Variants in SLC38A6 observed in about 807,000 individuals in gnomAD.
SLC38A6 encodes the protein solute carrier family 38 member 6.
A neutral mutation model predicts 65.0 loss-of-function variants in SLC38A6; 73 were observed. The observed-to-expected ratio is 1.12, with a 90% confidence interval of 0.93 to 1.37. SLC38A6 has a LOEUF of 1.37. Among genes scored for constraint, SLC38A6 ranks in the 40% most tolerant of loss-of-function variants. The pLI is 0.00. For missense variants in SLC38A6, 561 were observed against 531.1 expected (o/e 1.06, Z -0.55); for synonymous variants, 183 against 178.8 (o/e 1.02, Z -0.19).
intron 15 of SLC38A6, among the ~76,000 whole-genome samples, chr14:61,077,376 C>T (rs988696025): frequency 7.2e-5 from 11 of 152,084 alleles, no homozygotes; most frequent in Non-Finnish European, 1.3e-4. Context: ...TCGTTGATGA[C>T]CTAGTTGACT....
At chr14:61,050,367 CT>C (rs1210961425) in intron 12 of SLC38A6, 144 bp from the exon 13 acceptor site, 12 of 443,792 alleles carry the variant, frequency 2.7e-5, no homozygotes, top group Middle Eastern at 6.0e-4. Flanking sequence ...ATTAATGTCT[CT>C]GTGTTTCATA....
chr14:61,010,557 G>A (rs890220937), intron 3 of SLC38A6, among the ~76,000 whole-genome samples: 43 of 152,140 alleles, frequency 2.8e-4, no homozygotes, highest in Admixed American at 2.7e-3. Context: ...ATTAATTTTT[G>A]TATAAAGCGT....
intron 8 of SLC38A6, 71 bp downstream of exon 8, chr14:61,037,754 T>C (rs1277052689): frequency 7.9e-6 from 8 of 1,013,962 alleles, no homozygotes; most frequent in South Asian, 1.6e-5. Flanking sequence ...TCTTTTTTAC[T>C]TTTAACTGTT....
At chr14:61,071,511 C>G (rs1248014136) in intron 15 of SLC38A6, among the ~76,000 whole-genome samples, 2 of 151,912 alleles carry the variant, frequency 1.3e-5, no homozygotes, top group African/African-American at 2.4e-5. Context: ...GCAAATCCCT[C>G]TCTCTACAAA....
At chr14:60,994,682 C>T (rs371258763) in intron 3 of SLC38A6, among the ~76,000 whole-genome samples, 5 of 146,180 alleles carry the variant, frequency 3.4e-5, no homozygotes, top group East Asian at 2.0e-4. Context: ...CCAGCCTGGG[C>T]GACAAGAGCA....
intron 3 of SLC38A6, among the ~76,000 whole-genome samples, chr14:61,010,035 C>T (rs2039436607): frequency 6.6e-6 from 1 of 152,198 alleles, no homozygotes; most frequent in African/African-American, 2.4e-5. Flanking sequence ...ACATCCTCTC[C>T]AGCACCTGTT....
intron 4 of SLC38A6, among the ~76,000 whole-genome samples, chr14:61,019,121 A>T (rs775547636): frequency 6.6e-6 from 1 of 152,200 alleles, no homozygotes; most frequent in Non-Finnish European, 1.5e-5. Context: ...CAGAAAACTT[A>T]TATCATTTCC....
intron 2 of SLC38A6, among the ~76,000 whole-genome samples, chr14:60,984,315 A>T (rs958265715): frequency 6.6e-6 from 1 of 152,178 alleles, no homozygotes; most frequent in Non-Finnish European, 1.5e-5. Flanking sequence ...TATCACTGGA[A>T]GTAGAGGGAG....
At chr14:60,992,313 G>A (rs763717386) in intron 3 of SLC38A6, among the ~76,000 whole-genome samples, 7 of 152,076 alleles carry the variant, frequency 4.6e-5, no homozygotes, top group Non-Finnish European at 1.0e-4. Context: ...TGGCTCAAAT[G>A]TGCTCCTCTT....
At chr14:61,025,873 T>C (rs557275904) in intron 5 of SLC38A6, among the ~76,000 whole-genome samples, 1 of 152,156 alleles carries the variant, frequency 6.6e-6, no homozygotes, top group Non-Finnish European at 1.5e-5. Flanking sequence ...CCAGTTAGTA[T>C]CCATGACTAA....
At chr14:61,067,526 A>G (rs756256277) in intron 15 of SLC38A6, among the ~76,000 whole-genome samples, 2 of 152,210 alleles carry the variant, frequency 1.3e-5, no homozygotes, top group African/African-American at 2.4e-5. Flanking sequence ...CATAGTAAAT[A>G]TTATCCACAT....
chr14:61,028,681 T>C (rs2040749748), intron 5 of SLC38A6, among the ~76,000 whole-genome samples: 1 of 152,166 alleles, frequency 6.6e-6, no homozygotes, highest in African/African-American at 2.4e-5. Context: ...CACTGAGACA[T>C]AGCTGTACTT....
chr14:61,073,374 G>T (rs1351584529), intron 15 of SLC38A6, among the ~76,000 whole-genome samples: 1 of 152,064 alleles, frequency 6.6e-6, no homozygotes, highest in East Asian at 1.9e-4. Context: ...AGCCCTCATG[G>T]CCTAATCACC....
intron 15 of SLC38A6, among the ~76,000 whole-genome samples, chr14:61,071,275 G>A (rs1168091782): frequency 1.3e-5 from 2 of 152,002 alleles, no homozygotes; most frequent in African/African-American, 2.4e-5. Flanking sequence ...ATGTCATTTA[G>A]CACATATATT....
intron 3 of SLC38A6, among the ~76,000 whole-genome samples, chr14:61,008,638 T>C (rs1375246850): frequency 2.6e-5 from 4 of 152,114 alleles, no homozygotes; most frequent in Non-Finnish European, 5.9e-5. Context: ...TCTAAAGACA[T>C]AGTTTTGGTT....
In SLC38A6 at chr14:60,982,736, C is replaced by G. The variant is rs1036858288; in HGVS notation, c.236+98C>G. 9 of 1,331,078 alleles carry G rather than the reference C, an allele frequency of 6.8e-6. No individual in the cohort carries two copies. In the African/African-American group the frequency reaches 1.2e-4, roughly 18 times the overall value. The allele number at this position is 1,331,078 out of a possible 1,614,324, so 82.5% of individuals were successfully genotyped here. ...TCCAGAAGCTGCTATTATACAATTT[C>G]TAGTTAGTTATTTCTGGGGTTTTAG... On this transcript the variant is annotated intron_variant, in intron 2 of 15. Coordinates refer to ENST00000267488, the MANE Select transcript of SLC38A6 (RefSeq NM_153811.3).
At chr14:61,014,213 G>A (rs557596133) in intron 3 of SLC38A6, among the ~76,000 whole-genome samples, 4 of 152,128 alleles carry the variant, frequency 2.6e-5, no homozygotes, top group East Asian at 1.9e-4. Flanking sequence ...CGTAGTTCTC[G>A]TGCCGTGGTT....
chr14:61,073,602 A>T (rs944679582), intron 15 of SLC38A6, among the ~76,000 whole-genome samples: 8 of 152,176 alleles, frequency 5.3e-5, no homozygotes, highest in Admixed American at 2.0e-4. Flanking sequence ...CTAAATGGAA[A>T]GGCTCTCCTC....
intron 3 of SLC38A6, among the ~76,000 whole-genome samples, chr14:61,005,227 A>C (rs553356382): frequency 6.6e-6 from 1 of 151,950 alleles, no homozygotes; most frequent in South Asian, 2.1e-4. Context: ...CCAATATCAT[A>C]CTGAATGGGC....
Sources: allele counts gnomAD v4.1 joint callset (sites outside exome capture counted in the v4.1 genomes callset), GRCh38; gene constraint gnomAD v4.1.1; transcripts MANE v1.5; gene names NCBI Gene and HGNC (gene_info 2026-07-23, HGNC 2026-07-21).